Variants in IFFO1 observed in about 807,000 individuals in gnomAD.
The protein encoded by IFFO1 is non-homologous end joining factor IFFO1.
IFFO1 carries 42 observed loss-of-function variants against 59.6 expected under a neutral mutation model. The observed-to-expected ratio is 0.70, with a 90% CI of 0.55 to 0.91. The LOEUF is 0.91. Ranked by LOEUF, IFFO1 falls within the 40% of genes least tolerant of loss-of-function variation. The pLI is 0.00. For missense variants in IFFO1, 711 were observed against 793.2 expected (o/e 0.90, Z 1.24); for synonymous variants, 336 against 342.8 (o/e 0.98, Z 0.22).
Position 6,548,125 on chromosome 12 carries a change from A to T in IFFO1, c.1419T>A (p.Asp473Glu). ...QEDSLEKVIK[D>E]TESLFKTREK... ...CCCGGGTTTTGAACAGGGACTCCGT[A>T]TCTTTAATCACCTTCTCCAGGCTAT... is the stretch of plus-strand genomic sequence containing the variant. Residue 473 changes from aspartate (D) to glutamate (E), a missense_variant, in exon 8 of 10, where the codon GAT (aspartate) becomes GAA (glutamate). Asp to Glu is a conservative substitution (Grantham distance 45). Around this residue, in one of 3 missense-constraint regions of IFFO1, gnomAD observed 579 missense variants for 650.3 expected, o/e 0.89. Transcript: ENST00000619571. This position sits in a 1 kb window ranked among gnomAD's most constrained non-coding sequence, Gnocchi z 6.1. 6.2e-7 allele frequency: 1 copy of T among 1,614,088 alleles called. No individual in the cohort carries two copies. Among genetic ancestry groups the T allele is most frequent in the Non-Finnish European group, 8.5e-7 (1 of 1,179,972 alleles).
At position 6,539,973 on chromosome 12, in the gene IFFO1, C is replaced by A. The variant is rs1946619231; in HGVS notation, c.*510G>T. 7 of 173,314 alleles carry A rather than the reference C, an allele frequency of 4.0e-5. 1 individual carries two copies. In the South Asian group the frequency reaches 6.6e-4, roughly 16 times the overall value. The allele number at this position is 173,314 out of a possible 1,614,324, so 10.7% of individuals were successfully genotyped here. ...AGCAGGGACAAGGTGCCCCGGCCAG[C>A]CCCAACGCCCTCTGCCGCTGACAGG... On this transcript the variant is annotated 3_prime_UTR_variant, in exon 10 of 10. Coordinates refer to ENST00000619571, the MANE Select transcript of IFFO1 (RefSeq NM_001193457.2).
Position 6,549,586 on chromosome 12 carries a change from G to C in IFFO1, c.1072-102C>G. 3 of 1,331,084 alleles carry C rather than the reference G, an allele frequency of 2.3e-6. No homozygotes were observed. Among genetic ancestry groups the C allele is most frequent in the Non-Finnish European group, 2.2e-6 (2 of 929,038 alleles). 82.5% of individuals were successfully genotyped at this position (1,331,084 alleles called of 1,614,324 possible). On this transcript the variant is annotated intron_variant, in intron 4 of 9. Coordinates refer to ENST00000619571, the MANE Select transcript of IFFO1 (RefSeq NM_001193457.2). This position sits in a 1 kb window ranked among gnomAD's most constrained non-coding sequence, Gnocchi z 5.0. ...AGACGGCGTTAGAGACAGCTTCCAC[G>C]ATGCCCCTCCTGATGCTGCTCCTTA...
In IFFO1 at chr12:6,555,819, C is replaced by T; in HGVS notation, c.211G>A (p.Gly71Ser). The T allele has an allele frequency of 6.2e-7, 1 of 1,612,228 alleles. No homozygotes were observed. The highest frequency in any genetic ancestry group is 2.2e-5 in the East Asian group (1 of 44,690). Residue 71 changes from glycine to serine, a missense_variant, in exon 1 of 10, where the codon GGC (glycine) becomes AGC (serine). Gly to Ser is a moderately conservative substitution (Grantham distance 56). Around this residue, in one of 3 missense-constraint regions of IFFO1, gnomAD observed 114 missense variants for 102.4 expected, o/e 1.11. Coordinates refer to ENST00000619571, the MANE Select transcript of IFFO1 (RefSeq NM_001193457.2). The surrounding 1 kb of genome is among the most constrained non-coding windows in gnomAD (Gnocchi z 8.6). ...PAAMALRNDL[G>S]SNINVLKTLN... ...GTCTTGAGCACGTTGATGTTGGAGC[C>T]CAGGTCATTGCGGAGGGCCATGGCG...
chr12:6,556,014 C>G lies in IFFO1; in HGVS notation c.16G>C (p.Gly6Arg), dbSNP rs770543415. The G allele has an allele frequency of 6.3e-7, 1 of 1,581,096 alleles. No individual in the cohort carries two copies. Among genetic ancestry groups the G allele is most frequent in the South Asian group, 1.1e-5 (1 of 88,346 alleles). MNPLFGPNLFLLQQEQ... is the reference protein window; with the variant it reads MNPLFRPNLFLLQQEQ... The stretch of plus-strand genomic sequence containing the variant: ...TGCTGCAGGAGGAAGAGGTTGGGGC[C>G]GAATAACGGATTCATGGCTGCGCCT... Residue 6 changes from glycine (G) to arginine (R), a missense_variant, in exon 1 of 10, where the codon GGC becomes CGC. This residue lies in a region of IFFO1 where 114 missense variants were observed against 102.4 expected (regional missense o/e 1.11). Coordinates refer to ENST00000619571, the MANE Select transcript of IFFO1 (RefSeq NM_001193457.2).
At position 6,548,252 on chromosome 12, in the gene IFFO1, G is replaced by A. The variant is rs1337491266; in HGVS notation, c.1384-92C>T. The A allele has an allele frequency of 7.6e-6, 10 of 1,313,266 alleles. No individual in the cohort carries two copies. The highest frequency in any genetic ancestry group is 2.3e-5 in the East Asian group (1 of 43,424). 81.4% of individuals were successfully genotyped at this position (1,313,266 alleles called of 1,614,324 possible). A position where few individuals can be genotyped will look rare whatever the true frequency, so the allele number is the denominator to read the frequency against. ...CCAAGTCAGGGAGAGAGAGAGAGAG[G>A]AAGTCTGGTTAAAGAAACTGGAGAA... On this transcript the variant is annotated intron_variant, in intron 7 of 9. Transcript: ENST00000619571. This position sits in a 1 kb window ranked among gnomAD's most constrained non-coding sequence, Gnocchi z 6.1.
At chr12:6,543,116 G>A (rs148931215) in intron 8 of IFFO1, among the ~76,000 whole-genome samples, 6 of 152,196 alleles carry the variant, frequency 3.9e-5, no homozygotes, top group Admixed American at 2.6e-4. Flanking sequence ...GGTGAGGAGC[G>A]GTGGGGAAGA....
In IFFO1 at chr12:6,549,373, C is replaced by G; in HGVS notation, c.1080+103G>C. The G allele has an allele frequency of 2.6e-6, 3 of 1,137,480 alleles. No individual in the cohort carries two copies. Among genetic ancestry groups the G allele is most frequent in the Non-Finnish European group, 3.9e-6 (3 of 766,196 alleles). 70.5% of individuals were successfully genotyped at this position (1,137,480 alleles called of 1,614,324 possible). A position where few individuals can be genotyped will look rare whatever the true frequency, so the allele number is the denominator to read the frequency against. On this transcript the variant is annotated intron_variant, in intron 5 of 9. Coordinates refer to ENST00000619571, the MANE Select transcript of IFFO1 (RefSeq NM_001193457.2). The surrounding 1 kb of genome is among the most constrained non-coding windows in gnomAD (Gnocchi z 5.0). The stretch of plus-strand genomic sequence containing the variant: ...GAAAAGGGAAAGGGCAGAAAAAAAT[C>G]CGTGCTCAAGAGCCCAGCGGGCCCA...
At chr12:6,546,780 C>T (rs1448760379) in intron 8 of IFFO1, among the ~76,000 whole-genome samples, 1 of 152,148 alleles carries the variant, frequency 6.6e-6, no homozygotes, top group African/African-American at 2.4e-5. Context: ...TGAGCCACCG[C>T]GCCCGGCCTC....
At position 6,555,728 on chromosome 12, in the gene IFFO1, A is replaced by G. The variant is rs57186351; in HGVS notation, c.302T>C (p.Leu101Ser). 6.2e-7 allele frequency: 1 copy of G among 1,612,518 alleles called. No homozygotes were observed. The highest frequency in any genetic ancestry group is 1.3e-5 in the African/African-American group (1 of 74,728). The change falls in exon 1 of 10, where the codon TTG (leucine) becomes TCG (serine). Residue 101 changes from leucine (L) to serine (S), a missense_variant. By Grantham distance (145) the Leu-to-Ser change is moderately radical. This residue lies in a region of IFFO1 where 18 missense variants were observed against 40.5 expected (regional missense o/e 0.44). Transcript: ENST00000619571. This position sits in a 1 kb window ranked among gnomAD's most constrained non-coding sequence, Gnocchi z 8.6. ...CAGCGCTTGCTGCAGTTGCTTCTCC[A>G]ACAGCCGGTTCCGGCGCTCCAGCTC... ...VHELERRNRL[L>S]EKQLQQALEE...
intron 1 of IFFO1, among the ~76,000 whole-genome samples, chr12:6,552,228 G>T (rs1490082454): frequency 1.3e-5 from 2 of 152,154 alleles, no homozygotes; most frequent in Non-Finnish European, 2.9e-5. Context: ...GTCAGCCTCT[G>T]GGTCCCATCT....
intron 8 of IFFO1, among the ~76,000 whole-genome samples, chr12:6,546,176 A>G (rs1165262987): frequency 4.6e-5 from 7 of 152,380 alleles, no homozygotes; most frequent in Non-Finnish European, 8.8e-5. Context: ...GGTGGGAGAC[A>G]TGAACAGAAA....
chr12:6,549,525 G>A lies in IFFO1; in HGVS notation c.1072-41C>T. 1 of 1,556,894 alleles carries A rather than the reference G, an allele frequency of 6.4e-7. No homozygotes were observed. Among genetic ancestry groups the A allele is most frequent in the Non-Finnish European group, 8.9e-7 (1 of 1,128,202 alleles). On this transcript the variant is annotated intron_variant, in intron 4 of 9. Transcript: ENST00000619571. The surrounding 1 kb of genome is among the most constrained non-coding windows in gnomAD (Gnocchi z 5.0). ...GAGAGAAGATGAGAGGAAGAGAGGAGAGGAAGCAGACAGAGGAGAGAGAGG... is the reference window on the plus strand; with the variant it reads ...GAGAGAAGATGAGAGGAAGAGAGGAAAGGAAGCAGACAGAGGAGAGAGAGG...
Position 6,555,976 on chromosome 12 carries a change from G to A in IFFO1, c.54C>T (p.Gly18=), listed in dbSNP as rs781134574. 5.3e-5 allele frequency: 84 copies of A among 1,571,746 alleles called. No homozygotes were observed. Among genetic ancestry groups the A allele is most frequent in the Admixed American group, 7.1e-5 (4 of 56,220 alleles). The part of the protein sequence containing the change: ...NLFLLQQEQQ[G]LAGPLGDSLG... ...GTGAGTCCCCCAGTGGCCCGGCCAG[G>A]CCCTGCTGCTCCTGCTGCAGGAGGA... The change falls in exon 1 of 10, where the codon GGC becomes GGT. Residue 18 remains glycine, a synonymous_variant. Transcript: ENST00000619571. This position sits in a 1 kb window ranked among gnomAD's most constrained non-coding sequence, Gnocchi z 8.6.
At chr12:6,554,517 G>A (rs868256862) in intron 1 of IFFO1, among the ~76,000 whole-genome samples, 1 of 152,132 alleles carries the variant, frequency 6.6e-6, no homozygotes. Flanking sequence ...AGAATGCACC[G>A]GGCCCGCCCC....
At position 6,539,904 on chromosome 12, in the gene IFFO1, A is replaced by G. The variant is rs965049298; in HGVS notation, c.*579T>C. 6.3e-6 allele frequency: 1 copy of G among 157,616 alleles called. No individual in the cohort carries two copies. The highest frequency in any genetic ancestry group is 1.4e-5 in the Non-Finnish European group (1 of 70,804). The allele number at this position is 157,616 out of a possible 1,614,324, so 9.8% of individuals were successfully genotyped here. Reference sequence around the variant, plus strand: ...CTCCACGAGGGAGGGCCACAGCCACATACACTCCACCTGGCAGGTGGACAG... The same window carrying G: ...CTCCACGAGGGAGGGCCACAGCCACGTACACTCCACCTGGCAGGTGGACAG... On this transcript the variant is annotated 3_prime_UTR_variant, in exon 10 of 10. Transcript: ENST00000619571.
In IFFO1 at chr12:6,555,650, T is replaced by C. The variant is rs749534770; in HGVS notation, c.380A>G (p.Gln127Arg). 3.8e-6 allele frequency: 6 copies of C among 1,589,216 alleles called. No homozygotes were observed. In the Admixed American group the frequency reaches 5.3e-5, roughly 14 times the overall value. The change falls in exon 1 of 10, where the codon CAG becomes CGG. Residue 127 changes from glutamine to arginine, a missense_variant. Around this residue, in one of 3 missense-constraint regions of IFFO1, gnomAD observed 579 missense variants for 650.3 expected, o/e 0.89. Coordinates refer to ENST00000619571, the MANE Select transcript of IFFO1 (RefSeq NM_001193457.2). The surrounding 1 kb of genome is among the most constrained non-coding windows in gnomAD (Gnocchi z 8.6). ...RGLGRRDQAV[Q>R]TGFVSPIRPL... ...CCGGATGGGGCTGACGAAGCCGGTC[T>C]GCACTGCCTGGTCGCGACGACCCAG...
rs1379807032 is a variant in IFFO1 at position 6,548,561 on chromosome 12, C to T, written c.1263-16G>A. On this transcript the variant is annotated splice_polypyrimidine_tract_variant and intron_variant, in intron 6 of 9. Coordinates refer to ENST00000619571, the MANE Select transcript of IFFO1 (RefSeq NM_001193457.2). This position sits in a 1 kb window ranked among gnomAD's most constrained non-coding sequence, Gnocchi z 6.1. The stretch of plus-strand genomic sequence containing the variant: ...ATACTCCCTCCTAGAGACAGGGAAC[C>T]CGGGTGTCAGGGCGGGCGGGGCCTC... 7 of 1,613,482 alleles carry T rather than the reference C, an allele frequency of 4.3e-6. No individual in the cohort carries two copies. Among genetic ancestry groups the T allele is most frequent in the Non-Finnish European group, 5.9e-6 (7 of 1,179,660 alleles).
intron 8 of IFFO1, among the ~76,000 whole-genome samples, chr12:6,547,259 A>G (rs903528340): frequency 9.9e-5 from 15 of 152,110 alleles, no homozygotes; most frequent in Non-Finnish European, 1.8e-4. Flanking sequence ...AAAAAAATCA[A>G]AAAATTAGCC....
At position 6,548,103 on chromosome 12, in the gene IFFO1, G is replaced by A. The variant is rs898997688; in HGVS notation, c.1441C>T (p.Arg481Trp). Residue 481 changes from arginine (R) to tryptophan (W), a missense_variant, in exon 8 of 10, where the codon CGG becomes TGG. Physicochemically the swap from Arg to Trp is moderately radical, Grantham distance 101. Around this residue, in one of 3 missense-constraint regions of IFFO1, gnomAD observed 579 missense variants for 650.3 expected, o/e 0.89. Transcript: ENST00000619571. This position sits in a 1 kb window ranked among gnomAD's most constrained non-coding sequence, Gnocchi z 6.1. ...IKDTESLFKT[R>W]EKEYQETIDQ... ...ATGGTCTCCTGATACTCCTTCTCCC[G>A]GGTTTTGAACAGGGACTCCGTATCT... 2.5e-6 allele frequency: 4 copies of A among 1,613,952 alleles called. No individual in the cohort carries two copies. Among genetic ancestry groups the A allele is most frequent in the South Asian group, 1.1e-5 (1 of 91,076 alleles).
Sources: gnomAD v4.1 joint callset for allele counts (sites outside exome capture counted in the v4.1 genomes callset) on GRCh38, gnomAD v4.1.1 for gene constraint, gnomAD v4.1.1 regional missense constraint, Gnocchi (gnomAD v3.1) non-coding constraint, MANE v1.5 for transcripts, NCBI Gene and HGNC (gene_info 2026-07-23, HGNC 2026-07-21) for gene names.